The following AOX1 variants were observed in gnomAD, a reference collection of about 807,000 sequenced individuals.
The protein encoded by AOX1 is aldehyde oxidase 1.
In AOX1, 153 loss-of-function variants were observed where a neutral mutation model predicts 169.5. The ratio of observed to expected loss-of-function variants is 0.90; its 90% CI spans 0.79 to 1.03. The LOEUF is 1.03. Among genes scored for constraint, AOX1 ranks in the 50% least tolerant of loss-of-function variants. The pLI, the probability that AOX1 is intolerant of heterozygous loss-of-function variation, is 0.00. For missense variants in AOX1, 1,656 were observed against 1,663.9 expected, an observed-to-expected ratio of 1.00 and a Z score of 0.08; for synonymous variants, 562 against 581.9, an observed-to-expected ratio of 0.97 and a Z score of 0.49.
rs1394841752 is a variant in AOX1 at position 200,612,688 on chromosome 2, T to A, written c.1343T>A (p.Phe448Tyr). Residue 448 changes from phenylalanine to tyrosine, a missense_variant, in exon 14 of 35, where the codon TTT (phenylalanine) becomes TAT (tyrosine). Phe to Tyr is a conservative substitution (Grantham distance 22). Coordinates refer to ENST00000374700, the MANE Select transcript of AOX1 (RefSeq NM_001159.4). Reference sequence around the variant, plus strand: ...ATAGTCAATTCAGGAATGAGAGTCTTTTTTGGAGAAGGGGATGGCATTATT... The same window carrying A: ...ATAGTCAATTCAGGAATGAGAGTCTATTTTGGAGAAGGGGATGGCATTATT... Reference protein sequence around the residue: ...LAIVNSGMRVFFGEGDGIIRE... With the variant: ...LAIVNSGMRVYFGEGDGIIRE... The A allele has an allele frequency of 3.1e-6, 5 of 1,614,004 alleles. No homozygotes were observed. The highest frequency in any genetic ancestry group is 4.2e-6 in the Non-Finnish European group (5 of 1,180,014).
At chr2:200,635,573 A>G (rs1392737254) in intron 21 of AOX1, among the ~76,000 whole-genome samples, 1 of 152,226 alleles carries the variant, frequency 6.6e-6, no homozygotes, top group Non-Finnish European at 1.5e-5. Context: ...CTAGATGGTA[A>G]GACAAGAGAG....
chr2:200,630,210 T>TAAAAAAAAAAAA (rs57410809), intron 20 of AOX1, among the ~76,000 whole-genome samples: 6 of 95,564 alleles, frequency 6.3e-5, no homozygotes, highest in African/African-American at 2.7e-4. Flanking sequence ...TCCTTCTATT[T>TAAAAAAAAAAAA]AAAAAAAAAA....
intron 4 of AOX1, 120 bp from the exon 5 acceptor site, chr2:200,599,500 C>T: frequency 1.3e-6 from 1 of 783,108 alleles, no homozygotes. Flanking sequence ...CCAGGGGCCT[C>T]TGCTGCAATC....
intron 22 of AOX1, 69 bp downstream of exon 22, chr2:200,637,113 A>G (rs2035251235): frequency 6.3e-7 from 1 of 1,583,026 alleles, no homozygotes. Context: ...AGAATCAATG[A>G]GGAAGAACCT....
At position 200,602,295 on chromosome 2, in the gene AOX1, C is replaced by G. The variant is rs377316171; in HGVS notation, c.448C>G (p.Arg150Gly). ...LTDALGGNLCRCTGYRPIIDA... is the reference protein window; with the variant it reads ...LTDALGGNLCGCTGYRPIIDA... ...TTTTTCTCCTTCAGGTAACCTGTGC[C>G]GTTGCACTGGATACAGGCCCATAAT... is the stretch of plus-strand genomic sequence containing the variant. Residue 150 changes from arginine (R) to glycine (G), a missense_variant, in exon 6 of 35, where the codon CGT (arginine) becomes GGT (glycine). Physicochemically the swap from Arg to Gly is moderately radical, Grantham distance 125 (BLOSUM62 -2). Coordinates refer to ENST00000374700, the MANE Select transcript of AOX1 (RefSeq NM_001159.4). The G allele has an allele frequency of 6.2e-7, 1 of 1,613,666 alleles. No individual in the cohort carries two copies. Among genetic ancestry groups the G allele is most frequent in the Admixed American group, 1.7e-5 (1 of 59,976 alleles).
chr2:200,586,886 AC>A (rs1320907362), intron 1 of AOX1, among the ~76,000 whole-genome samples: 1 of 151,288 alleles, frequency 6.6e-6, no homozygotes, highest in Non-Finnish European at 1.5e-5. Flanking sequence ...CCTTTAAAAC[AC>A]CCCCCTTAAT....
At chr2:200,649,994 C>T (rs190489691) in intron 25 of AOX1, among the ~76,000 whole-genome samples, 21 of 152,342 alleles carry the variant, frequency 1.4e-4, no homozygotes, top group Middle Eastern at 3.4e-3. Context: ...CCACTGGTGA[C>T]CACACCTCTC....
chr2:200,677,790 GA>G (rs1482770765), downstream of AOX1, among the ~76,000 whole-genome samples: 1 of 152,198 alleles, frequency 6.6e-6, no homozygotes, highest in African/African-American at 2.4e-5. Flanking sequence ...CACCGTGCCT[GA>G]TGTGCAGCCC....
Position 200,641,076 on chromosome 2 carries a change from C to T in AOX1, c.2569-22C>T, listed in dbSNP as rs762785804. ...GAGACTTGGCCCCTGTTCCAGCATT[C>T]GATATCGGTTCTCTTCCCCAGGCTG... On this transcript the variant is annotated intron_variant, in intron 23 of 34. Transcript: ENST00000374700. 1.8e-5 allele frequency: 28 copies of T among 1,594,284 alleles called. No homozygotes were observed. In the East Asian group the frequency reaches 2.0e-4, roughly 11 times the overall value.
At chr2:200,606,825 T>C (rs6737912) in intron 10 of AOX1, among the ~76,000 whole-genome samples, 53,690 of 152,000 alleles carry the variant, frequency 0.35, 9,577 homozygotes, top group East Asian at 0.44. Flanking sequence ...TTTTTGCACA[T>C]TGATTTTGTA....
intron 19 of AOX1, among the ~76,000 whole-genome samples, chr2:200,625,883 C>G (rs1299856611): frequency 6.6e-6 from 1 of 152,060 alleles, no homozygotes; most frequent in Non-Finnish European, 1.5e-5. Flanking sequence ...GTCACTATCA[C>G]AAAGATTTAA....
intron 25 of AOX1, among the ~76,000 whole-genome samples, chr2:200,647,203 G>C (rs2035473130): frequency 6.6e-6 from 1 of 152,142 alleles, no homozygotes; most frequent in Admixed American, 6.5e-5. Flanking sequence ...ATGCTTTAAA[G>C]AAGTTCTGTT....
intron 3 of AOX1, among the ~76,000 whole-genome samples, chr2:200,595,728 G>A (rs2034269549): frequency 1.3e-5 from 2 of 152,192 alleles, no homozygotes; most frequent in Admixed American, 6.5e-5. Context: ...AACTTGAATG[G>A]CTCCCTAACT....
chr2:200,676,961 A>G (rs1215299677), exon 5 of AOX1: 2 of 470,114 alleles, frequency 4.3e-6, no homozygotes, highest in Non-Finnish European at 8.8e-6. Context: ...TGCTGGTGGC[A>G]TAATGTCACA....
rs575478484 is a variant in AOX1 at position 200,632,698 on chromosome 2, G to A, written c.2222-2093G>A. Among the ~76,000 whole-genome samples, 33 of 151,382 alleles carry A rather than the reference G, an allele frequency of 2.2e-4. No homozygotes were observed. The South Asian group carries it at 2.7e-3, about 12-fold the overall frequency. ...TCAGCCATTATTTCAGGGTAAATCC[G>A]TTTAAAACAAACTCTTAGTTTTCCT... is the stretch of plus-strand genomic sequence containing the variant. On this transcript the variant is annotated intron_variant, in intron 20 of 34. Transcript: ENST00000374700.
At position 200,616,068 on chromosome 2, in the gene AOX1, G is replaced by A. The variant is rs1356830705; in HGVS notation, c.1704+5G>A. The stretch of plus-strand genomic sequence containing the variant: ...TGCAGTACATTAAAGTACCAGGTGA[G>A]CGGTATTTCTTGTTTTTAAAAATTC... On this transcript the variant is annotated splice_donor_5th_base_variant and intron_variant, in intron 16 of 34. Coordinates refer to ENST00000374700, the MANE Select transcript of AOX1 (RefSeq NM_001159.4). The A allele has an allele frequency of 6.2e-7, 1 of 1,603,334 alleles. No homozygotes were observed. Among genetic ancestry groups the A allele is most frequent in the East Asian group, 2.2e-5 (1 of 44,778 alleles).
chr2:200,681,863 A>G (rs1239346733), downstream of AOX1, among the ~76,000 whole-genome samples: 1 of 152,078 alleles, frequency 6.6e-6, no homozygotes, highest in Admixed American at 6.5e-5. Context: ...TGGAAATATT[A>G]CGACTCTAAA....
chr2:200,604,607 C>T (rs2034477044), intron 8 of AOX1, 89 bp from the exon 9 acceptor site: 1 of 1,341,086 alleles, frequency 7.5e-7, no homozygotes, highest in African/African-American at 1.5e-5. Flanking sequence ...TGTATTTTCT[C>T]ATTCTGTATC....
At chr2:200,639,339 T>G (rs1045163912) in intron 23 of AOX1, among the ~76,000 whole-genome samples, 1 of 152,168 alleles carries the variant, frequency 6.6e-6, no homozygotes, top group African/African-American at 2.4e-5. Flanking sequence ...GACCTGTAAG[T>G]TGTGGATCTC....
Sources: allele counts gnomAD v4.1 joint callset (sites outside exome capture counted in the v4.1 genomes callset), GRCh38; gene constraint gnomAD v4.1.1; transcripts MANE v1.5; gene names NCBI Gene and HGNC (gene_info 2026-07-23, HGNC 2026-07-21).